The following NAXE variants were observed in gnomAD, a reference collection of about 807,000 sequenced individuals.
NAXE encodes NAD(P)HX epimerase.
NAXE carries 25 observed loss-of-function variants against 31.2 expected under a neutral mutation model. That is an observed-to-expected ratio of 0.80 (90% CI 0.58 to 1.12). NAXE has a LOEUF of 1.12. Ranked by LOEUF, NAXE falls within the 50% of genes most tolerant of loss-of-function variation. The pLI, the probability that NAXE is intolerant of heterozygous loss-of-function variation, is 0.00. For synonymous variants in NAXE, 144 were observed against 154.5 expected (o/e 0.93, Z 0.50); for missense variants, 362 against 376.1 (o/e 0.96, Z 0.31).
chr1:156,592,292 GGA>G, intron 2 of NAXE, 71 bp from the exon 3 acceptor site: 7 of 1,602,888 alleles, frequency 4.4e-6, no homozygotes, highest in Non-Finnish European at 6.0e-6. Context: ...CAAAGGGGTG[GGA>G]GAGACAGCTG....
At chr1:156,593,180 C>T in intron 4 of NAXE, 1 of 528,854 alleles carries the variant, frequency 1.9e-6, no homozygotes, top group Non-Finnish European at 3.3e-6. Flanking sequence ...CCTGTAGCCT[C>T]CCCAGTGGTG....
rs1677336554 is a variant in NAXE at position 156,591,919 on chromosome 1, C to A, written c.115C>A (p.Gln39Lys). The A allele has an allele frequency of 6.2e-7, 1 of 1,612,736 alleles. No homozygotes were observed. The highest frequency in any genetic ancestry group is 2.2e-5 in the East Asian group (1 of 44,864). The stretch of plus-strand genomic sequence containing the variant: ...CTCGGGACCCACCTGGTGGGGACCG[C>A]AGCGGCTGAACTCGGGTGGCCGCTG... ...CRSGPTWWGP[Q>K]RLNSGGRWDS... Residue 39 changes from glutamine (Q) to lysine (K), a missense_variant, in exon 1 of 6, where the codon CAG becomes AAG. Transcript: ENST00000368235.
rs769744746 is a variant in NAXE, at chr1:156,591,863, C to A, written c.59C>A (p.Pro20Gln). ...CTGCTGGTTGCGGGCTCGCGCGTGC[C>A]GCGGATCAAAAGCCAGACCATCGCC... is the stretch of plus-strand genomic sequence containing the variant. ...LGLLVAGSRV[P>Q]RIKSQTIACR... The change falls in exon 1 of 6, where the codon CCG becomes CAG. Residue 20 changes from proline to glutamine, a missense_variant. Pro to Gln is a moderately conservative substitution (Grantham distance 76). Coordinates refer to ENST00000368235, the MANE Select transcript of NAXE (RefSeq NM_144772.3). 4.0e-5 allele frequency: 64 copies of A among 1,611,598 alleles called. No homozygotes were observed. The highest frequency in any genetic ancestry group is 1.7e-4 in the Middle Eastern group (1 of 6,000).
intron 5 of NAXE, 118 bp downstream of exon 5, chr1:156,593,673 C>T (rs1256379226): frequency 1.4e-6 from 2 of 1,457,588 alleles, no homozygotes; most frequent in East Asian, 2.3e-5. Flanking sequence ...TTCTGGACCC[C>T]CATCAGGGCT....
rs757779106 is a variant in NAXE, at chr1:156,591,838, C to A, written c.34C>A (p.Leu12Met). Residue 12 changes from leucine to methionine, a missense_variant, in exon 1 of 6, where the codon CTG (leucine) becomes ATG (methionine). Coordinates refer to ENST00000368235, the MANE Select transcript of NAXE (RefSeq NM_144772.3). ...SRLRALLGLG[L>M]LVAGSRVPRI... ...GCTGCGGGCGCTGCTGGGCCTCGGG[C>A]TGCTGGTTGCGGGCTCGCGCGTGCC... 1 of 1,608,920 alleles carries A rather than the reference C, an allele frequency of 6.2e-7. No homozygotes were observed. Among genetic ancestry groups the A allele is most frequent in the Admixed American group, 1.7e-5 (1 of 59,912 alleles).
chr1:156,593,686 G>T lies in NAXE; in HGVS notation c.664+131G>T, dbSNP rs897625355. ...CTTTCTGGACCCCCATCAGGGCTGGGGAACAGTGTTCAGAAGTCCCCTTTA... is the reference window on the plus strand; with the variant it reads ...CTTTCTGGACCCCCATCAGGGCTGGTGAACAGTGTTCAGAAGTCCCCTTTA... On this transcript the variant is annotated intron_variant, in intron 5 of 5. Transcript: ENST00000368235. 2.8e-6 allele frequency: 4 copies of T among 1,423,588 alleles called. No homozygotes were observed. The African/African-American group carries it at 5.7e-5, about 20-fold the overall frequency. The allele number at this position is 1,423,588 out of a possible 1,614,324, so 88.2% of individuals were successfully genotyped here. A position where few individuals can be genotyped will look rare whatever the true frequency, so the allele number is the denominator to read the frequency against.
chr1:156,593,482 G>A lies in NAXE; in HGVS notation c.591G>A (p.Arg197=), dbSNP rs774457415. Residue 197 remains arginine (R), a synonymous_variant, in exon 5 of 6, where the codon CGG becomes CGA. Coordinates refer to ENST00000368235, the MANE Select transcript of NAXE (RefSeq NM_144772.3). The part of the protein sequence containing the change: ...IFGFSFKGDV[R]EPFHSILSVL... The stretch of plus-strand genomic sequence containing the variant: ...GCTTCAGCTTCAAGGGCGATGTTCG[G>A]GAACCGTTCCACAGCATCCTGAGTG... 6.2e-7 allele frequency: 1 copy of A among 1,614,094 alleles called. No homozygotes were observed. The highest frequency in any genetic ancestry group is 1.3e-5 in the African/African-American group (1 of 74,936).
At position 156,594,062 on chromosome 1, in the gene NAXE, A is replaced by T. The variant is rs777982900; in HGVS notation, c.845A>T (p.Glu282Val). 5.4e-5 allele frequency: 87 copies of T among 1,613,838 alleles called. No individual in the cohort carries two copies. The highest frequency in any genetic ancestry group is 4.9e-4 in the Middle Eastern group (3 of 6,082). ...AACCTGCCACCCTACCCTGACACCG[A>T]GTGTGTCTATCGTCTGCAGTGAGGG... ...QLNLPPYPDTECVYRLQ is the reference protein window; with the variant it reads ...QLNLPPYPDTVCVYRLQ The change falls in exon 6 of 6, where the codon GAG becomes GTG. Residue 282 changes from glutamate to valine, a missense_variant. By Grantham distance (121) the Glu-to-Val change is moderately radical. Transcript: ENST00000368235.
intron 3 of NAXE, 38 bp from the exon 4 acceptor site, chr1:156,592,519 C>T (rs1163842629): frequency 6.2e-7 from 1 of 1,613,262 alleles, no homozygotes. Context: ...GGCGTGAGGG[C>T]TCTGGGATCT....
chr1:156,594,021 G>A lies in NAXE; in HGVS notation c.804G>A (p.Glu268=), dbSNP rs6668178. The A allele has an allele frequency of 0.96, 1,554,550 of 1,614,044 alleles. 749,300 individuals are homozygous for A. The highest frequency in any genetic ancestry group is 0.98 in the East Asian group (43,907 of 44,872). The change falls in exon 6 of 6, where the codon GAG becomes GAA. Residue 268 remains glutamate, a synonymous_variant. Coordinates refer to ENST00000368235, the MANE Select transcript of NAXE (RefSeq NM_144772.3). ...LGGRFVPPAL[E]KKYQLNLPPY... The stretch of plus-strand genomic sequence containing the variant: ...GTCGTTTTGTGCCACCTGCTCTGGA[G>A]AAGAAGTACCAGCTGAACCTGCCAC...
Position 156,594,240 on chromosome 1 carries a change from CA to C in NAXE, c.*159del, listed in dbSNP as rs1394343825. 1.4e-6 allele frequency: 1 copy of C among 705,738 alleles called. No homozygotes were observed. The highest frequency in any genetic ancestry group is 2.3e-6 in the Non-Finnish European group (1 of 426,714). 43.7% of individuals were successfully genotyped at this position (705,738 alleles called of 1,614,324 possible). A position where few individuals can be genotyped will look rare whatever the true frequency, so the allele number is the denominator to read the frequency against. Reference sequence around the variant, plus strand: ...GGGTGCCATCTCTCTAGGGGTAACACAAAGGGCAAGAGGTTGCTATGGTATT... The same window carrying C: ...GGGTGCCATCTCTCTAGGGGTAACACAAGGGCAAGAGGTTGCTATGGTATT... On this transcript the variant is annotated 3_prime_UTR_variant, in exon 6 of 6. Coordinates refer to ENST00000368235, the MANE Select transcript of NAXE (RefSeq NM_144772.3).
In NAXE at chr1:156,594,133, T is replaced by G; in HGVS notation, c.*49T>G. The G allele has an allele frequency of 6.3e-7, 1 of 1,586,582 alleles. No individual in the cohort carries two copies. The highest frequency in any genetic ancestry group is 8.6e-7 in the Non-Finnish European group (1 of 1,157,868). ...CCAATAAAGACTTAGAGCCCCTCTC[T>G]TCCAGAACTGTGGATTCCTGGGAGC... On this transcript the variant is annotated 3_prime_UTR_variant, in exon 6 of 6. Transcript: ENST00000368235.
intron 4 of NAXE, 114 bp from the exon 5 acceptor site, chr1:156,593,294 A>G: frequency 7.3e-7 from 1 of 1,374,596 alleles, no homozygotes. Flanking sequence ...CCTCTGAATG[A>G]GACACAATAC....
At chr1:156,592,849 C>CCA (rs35681865) in intron 4 of NAXE, 179 bp downstream of exon 4, 158,729 of 594,074 alleles carry the variant, frequency 0.27, 24,025 homozygotes, top group South Asian at 0.47. Flanking sequence ...TCCATGAGTC[C>CCA]CACACACCAC....
In NAXE at chr1:156,591,781, G is replaced by GGGCCGGGCCA. The variant is rs770249851; in HGVS notation, c.-22_-21insCCGGGCCAGG. The GGGCCGGGCCA allele has an allele frequency of 1.3e-6, 2 of 1,491,226 alleles. No individual in the cohort carries two copies. The highest frequency in any genetic ancestry group is 2.4e-4 in the Middle Eastern group (1 of 4,246). 92.4% of individuals were successfully genotyped at this position (1,491,226 alleles called of 1,614,324 possible). A position where few individuals can be genotyped will look rare whatever the true frequency, so the allele number is the denominator to read the frequency against. ...ACATGCGCCGGGGCCGGGCCGGGCCGGGGGCGCGCGCTCTGCGAGCTGGAT... is the reference window on the plus strand; with the variant it reads ...ACATGCGCCGGGGCCGGGCCGGGCCGGGCCGGGCCAGGGGCGCGCGCTCTGCGAGCTGGAT... On this transcript the variant is annotated 5_prime_UTR_variant, in exon 1 of 6. Transcript: ENST00000368235.
In NAXE at chr1:156,592,475, T is replaced by C; in HGVS notation, c.402T>C (p.Phe134=). ...GLVCARHLKL[F]GYEPTIYYPK... ...TCTGTGCTCGACACCTCAAACTCTT[T>C]GTGAGTATGTGGGGAGGGGCTGTGG... is the stretch of plus-strand genomic sequence containing the variant. The change falls in exon 3 of 6, where the codon TTT becomes TTC. Residue 134 remains phenylalanine (F), a splice_region_variant and synonymous_variant. Coordinates refer to ENST00000368235, the MANE Select transcript of NAXE (RefSeq NM_144772.3). 1 of 1,613,700 alleles carries C rather than the reference T, an allele frequency of 6.2e-7. No homozygotes were observed. The highest frequency in any genetic ancestry group is 8.5e-7 in the Non-Finnish European group (1 of 1,179,728).
intron 4 of NAXE, chr1:156,593,178 C>T: frequency 3.8e-6 from 2 of 521,438 alleles, no homozygotes; most frequent in Non-Finnish European, 6.6e-6. Flanking sequence ...AGCCTGTAGC[C>T]TCCCCAGTGG....
chr1:156,592,846 G>A lies in NAXE; in HGVS notation c.516+176G>A, dbSNP rs1677374124. ...CTCCTTCATAAAGTGTGCTCCATGA[G>A]TCCCACACACCACCTTCTCTAAAGC... is the stretch of plus-strand genomic sequence containing the variant. On this transcript the variant is annotated intron_variant, in intron 4 of 5. Coordinates refer to ENST00000368235, the MANE Select transcript of NAXE (RefSeq NM_144772.3). 13 of 597,752 alleles carry A rather than the reference G, an allele frequency of 2.2e-5. No homozygotes were observed. The South Asian group carries it at 2.6e-4, about 12-fold the overall frequency. 37.0% of individuals were successfully genotyped at this position (597,752 alleles called of 1,614,324 possible).
intron 2 of NAXE, 57 bp from the exon 3 acceptor site, chr1:156,592,308 C>T: frequency 6.2e-7 from 1 of 1,602,628 alleles, no homozygotes; most frequent in Non-Finnish European, 8.5e-7. Context: ...ACAGCTGGGC[C>T]AATATGGTCT....
Sources: gnomAD v4.1 joint callset for allele counts on GRCh38, gnomAD v4.1.1 for gene constraint, MANE v1.5 for transcripts, NCBI Gene and HGNC (gene_info 2026-07-23, HGNC 2026-07-21) for gene names.